FBXO38: variants seen among roughly 807,000 people sequenced by gnomAD.
FBXO38 encodes F-box only protein 38.
FBXO38 carries 53 observed loss-of-function variants against 131.9 expected under a neutral mutation model. That is an observed-to-expected ratio of 0.40 (90% CI 0.32 to 0.51). The LOEUF is 0.51. Among genes scored for constraint, FBXO38 ranks in the 20% least tolerant of loss-of-function variants. FBXO38 has a pLI of 0.53. For missense variants in FBXO38, 1,076 were observed against 1,475.6 expected (o/e 0.73, Z 4.44); for synonymous variants, 452 against 505.6 (o/e 0.89, Z 1.42).
chr5:148,387,575 C>T (rs1177533806), intron 1 of FBXO38, among the ~76,000 whole-genome samples: 5 of 152,172 alleles, frequency 3.3e-5, no homozygotes, highest in African/African-American at 7.2e-5. Context: ...GAATCACAGA[C>T]GTTCTTAACA....
At chr5:148,440,632 G>T in intron 20 of FBXO38, 105 bp downstream of exon 20, 1 of 660,732 alleles carries the variant, frequency 1.5e-6, no homozygotes, top group Non-Finnish European at 2.6e-6. Context: ...TTGAGCCCAA[G>T]AGTTCAAGAC....
At position 148,414,119 on chromosome 5, in the gene FBXO38, T is replaced by A. The variant is rs751806038; in HGVS notation, c.1094-17T>A. On this transcript the variant is annotated splice_polypyrimidine_tract_variant and intron_variant, in intron 9 of 21. Transcript: ENST00000340253. ...AGAATTTGACTTTTTTTTTTTTTAA[T>A]TGATTGCTCTTTTTAGGCAGAATGG... The A allele has an allele frequency of 4.3e-5, 68 of 1,575,838 alleles. No homozygotes were observed. Among genetic ancestry groups the A allele is most frequent in the Non-Finnish European group, 5.8e-5 (68 of 1,167,810 alleles).
Position 148,417,146 on chromosome 5 carries a change from C to G in FBXO38, c.1560C>G (p.Asp520Glu). ...DNNHHHPDDS[D>E]EENDFRQDLQ... ...ATCACCATCATCCAGATGACTCAGA[C>G]GAGGAGAATGACTTTCGGCAAGATC... The change falls in exon 12 of 22, where the codon GAC becomes GAG. Residue 520 changes from aspartate to glutamate, a missense_variant. Around this residue, in one of 8 missense-constraint regions of FBXO38, gnomAD observed 212 missense variants for 221.2 expected, o/e 0.96. Coordinates refer to ENST00000340253, the MANE Select transcript of FBXO38 (RefSeq NM_205836.3). The G allele has an allele frequency of 1.9e-6, 3 of 1,613,728 alleles. No individual in the cohort carries two copies. Among genetic ancestry groups the G allele is most frequent in the South Asian group, 1.1e-5 (1 of 91,078 alleles).
At chr5:148,407,529 C>G (rs1752506018) in intron 7 of FBXO38, among the ~76,000 whole-genome samples, 1 of 151,776 alleles carries the variant, frequency 6.6e-6, no homozygotes, top group Non-Finnish European at 1.5e-5. Context: ...ACATCTTAAA[C>G]AGGACACCAA....
chr5:148,407,396 A>G (rs1752499332), intron 7 of FBXO38, among the ~76,000 whole-genome samples: 1 of 152,186 alleles, frequency 6.6e-6, no homozygotes, highest in East Asian at 1.9e-4. Flanking sequence ...TTACTCAAGA[A>G]GTCAACATAC....
chr5:148,405,027 A>AC (rs1328464129), intron 6 of FBXO38, among the ~76,000 whole-genome samples: 1 of 151,960 alleles, frequency 6.6e-6, no homozygotes, highest in East Asian at 1.9e-4. Flanking sequence ...AAAAAAAAAA[A>AC]AACAAAACTC....
intron 7 of FBXO38, 21 bp downstream of exon 7, chr5:148,406,415 C>T: frequency 4.6e-6 from 7 of 1,514,068 alleles, no homozygotes; most frequent in Non-Finnish European, 6.2e-6. Flanking sequence ...TCTTTAATTA[C>T]TAAATATTTT....
chr5:148,400,439 C>T (rs1410366166), intron 3 of FBXO38, among the ~76,000 whole-genome samples: 1 of 152,136 alleles, frequency 6.6e-6, no homozygotes, highest in African/African-American at 2.4e-5. Context: ...ATCACTACCA[C>T]TTACCAATTA....
chr5:148,435,554 G>A (rs368638250), intron 17 of FBXO38, among the ~76,000 whole-genome samples: 5 of 152,252 alleles, frequency 3.3e-5, no homozygotes, highest in Admixed American at 2.6e-4. Flanking sequence ...GGCGGATCAC[G>A]AGGTCAGGAG....
In FBXO38 at chr5:148,402,478, C is replaced by G; in HGVS notation, c.557C>G (p.Pro186Arg). Residue 186 changes from proline to arginine, a missense_variant, in exon 5 of 22, where the codon CCT (proline) becomes CGT (arginine). Physicochemically the swap from Pro to Arg is moderately radical, Grantham distance 103 (BLOSUM62 -2). Transcript: ENST00000340253. The stretch of plus-strand genomic sequence containing the variant: ...CCTCCTGAAAATAAACTGAAAATTC[C>G]TATAGGAGCCAAAATTCAAACTTTA... ...PIPPENKLKIPIGAKIQTLHL... is the reference protein window; with the variant it reads ...PIPPENKLKIRIGAKIQTLHL... 6.2e-7 allele frequency: 1 copy of G among 1,611,268 alleles called. No individual in the cohort carries two copies. The highest frequency in any genetic ancestry group is 1.1e-5 in the South Asian group (1 of 90,876).
At chr5:148,436,836 C>T (rs1221781490) in intron 17 of FBXO38, among the ~76,000 whole-genome samples, 1 of 152,180 alleles carries the variant, frequency 6.6e-6, no homozygotes, top group African/African-American at 2.4e-5. Context: ...GTCTTTGGTC[C>T]TAAAACATCT....
Position 148,387,690 on chromosome 5 carries a change from C to CTT in FBXO38, c.-64+3670_-64+3671dup, listed in dbSNP as rs142417126. ...AGCTATAGCCTTAGGGAATTTATTT[C>CTT]TTTTTTTTTTTTTTTTTTTTGAGAT... On this transcript the variant is annotated intron_variant, in intron 1 of 21. Coordinates refer to ENST00000340253, the MANE Select transcript of FBXO38 (RefSeq NM_205836.3). Among the ~76,000 whole-genome samples, 129 of 126,682 alleles carry CTT rather than the reference C, an allele frequency of 1.0e-3. 1 individual carries two copies. The highest frequency in any genetic ancestry group is 6.3e-3 in the East Asian group (26 of 4,126). 83.1% of individuals were successfully genotyped at this position (126,682 alleles called of 152,430 possible). A position where few individuals can be genotyped will look rare whatever the true frequency, so the allele number is the denominator to read the frequency against.
chr5:148,414,216 A>C lies in FBXO38; in HGVS notation c.1174A>C (p.Met392Leu). The change falls in exon 10 of 22, where the codon ATG becomes CTG. Residue 392 changes from methionine (M) to leucine (L), a missense_variant. Around this residue, in one of 8 missense-constraint regions of FBXO38, gnomAD observed 146 missense variants for 274.3 expected, o/e 0.53. Transcript: ENST00000340253. ...ENPGIITDIG[M>L]KAVNEVFSCI... ...TCCTGGTATCATCACTGATATAGGG[A>C]TGAAAGCAGTCAATGAAGTTTTTTC... 1 of 1,612,950 alleles carries C rather than the reference A, an allele frequency of 6.2e-7. No homozygotes were observed. Among genetic ancestry groups the C allele is most frequent in the Non-Finnish European group, 8.5e-7 (1 of 1,179,482 alleles).
chr5:148,432,270 A>G (rs1447862076), intron 15 of FBXO38, among the ~76,000 whole-genome samples: 1 of 152,248 alleles, frequency 6.6e-6, no homozygotes, highest in Non-Finnish European at 1.5e-5. Context: ...CTTAGAATAT[A>G]TATGTGCTTA....
At chr5:148,414,457 A>G in intron 10 of FBXO38, 151 bp downstream of exon 10, 1 of 707,632 alleles carries the variant, frequency 1.4e-6, no homozygotes, top group Non-Finnish European at 2.2e-6. Context: ...ACCTTTGATA[A>G]CCAAGTTGGA....
Position 148,442,086 on chromosome 5 carries a change from T to C in FBXO38, c.3506T>C (p.Val1169Ala), listed in dbSNP as rs1754718621. The C allele has an allele frequency of 1.2e-6, 2 of 1,614,022 alleles. No individual in the cohort carries two copies. The highest frequency in any genetic ancestry group is 1.3e-5 in the African/African-American group (1 of 74,928). ...AAGAAGGGTGTATTTCAGCGAGTAGTGGCAATTTTTATCCACTATTGTGAT... is the reference window on the plus strand; with the variant it reads ...AAGAAGGGTGTATTTCAGCGAGTAGCGGCAATTTTTATCCACTATTGTGAT... ...QMKKGVFQRV[V>A]AIFIHYCDVN... Residue 1169 changes from valine (V) to alanine (A), a missense_variant, in exon 22 of 22, where the codon GTG becomes GCG. Val to Ala is a moderately conservative substitution (Grantham distance 64). Coordinates refer to ENST00000340253, the MANE Select transcript of FBXO38 (RefSeq NM_205836.3).
chr5:148,425,792 C>A, intron 14 of FBXO38, 91 bp downstream of exon 14: 1 of 1,102,154 alleles, frequency 9.1e-7, no homozygotes, highest in Non-Finnish European at 1.3e-6. Context: ...GTGCAGTTAA[C>A]ATATATTACG....
At chr5:148,401,890 CTT>C in intron 3 of FBXO38, 90 bp from the exon 4 acceptor site, 1 of 1,260,534 alleles carries the variant, frequency 7.9e-7, no homozygotes, top group Non-Finnish European at 1.1e-6. Flanking sequence ...AAGAGGAAGT[CTT>C]TTTTAACTTT....
chr5:148,400,613 A>G lies in FBXO38; in HGVS notation c.263-1369A>G, dbSNP rs142735983. On this transcript the variant is annotated intron_variant, in intron 3 of 21. Coordinates refer to ENST00000340253, the MANE Select transcript of FBXO38 (RefSeq NM_205836.3). ...TTGCTCACTAATGCCACCTTGGCCTATTATCTGGCATTTAACTCAGATCCT... is the reference window on the plus strand; with the variant it reads ...TTGCTCACTAATGCCACCTTGGCCTGTTATCTGGCATTTAACTCAGATCCT... 1.8e-4 allele frequency among the ~76,000 whole-genome samples: 28 copies of G among 152,260 alleles called. No individual in the cohort carries two copies. The East Asian group carries it at 3.3e-3, about 18-fold the overall frequency.
Sources: allele counts gnomAD v4.1 joint callset (sites outside exome capture counted in the v4.1 genomes callset), GRCh38; gene constraint gnomAD v4.1.1; regional missense constraint gnomAD v4.1.1; transcripts MANE v1.5; gene names NCBI Gene and HGNC (gene_info 2026-07-23, HGNC 2026-07-21).